The following NRG3 variants were observed in gnomAD, a reference collection of about 807,000 sequenced individuals.
NRG3 encodes pro-neuregulin-3, membrane-bound isoform.
NRG3 carries 31 observed loss-of-function variants against 66.9 expected under a neutral mutation model. The observed-to-expected ratio is 0.46, with a 90% CI of 0.35 to 0.63. The LOEUF (loss-of-function observed/expected upper bound fraction) is 0.63, where lower values mean the gene tolerates loss of function less well. Among genes scored for constraint, NRG3 ranks in the 20% least tolerant of loss-of-function variants. The probability of loss-of-function intolerance (pLI) is 0.00; values close to 1 mark genes in which losing one functional copy is unlikely to be tolerated. For missense variants in NRG3, 910 were observed against 878.9 expected (o/e 1.04, Z -0.45); for synonymous variants, 393 against 359.4 (o/e 1.09, Z -1.06).
chr10:82,420,149 G>A (rs1490767508), intron 2 of NRG3, among the ~76,000 whole-genome samples: 1 of 152,030 alleles, frequency 6.6e-6, no homozygotes, highest in Non-Finnish European at 1.5e-5. Context: ...GCTCAGTCTG[G>A]GTTTCTGGCT....
chr10:82,770,605 G>A lies in NRG3; in HGVS notation c.1027+31955G>A, dbSNP rs376948906. Among the ~76,000 whole-genome samples the A allele has an allele frequency of 9.5e-4, 145 of 152,232 alleles. 2 individuals are homozygous for A. The highest frequency in any genetic ancestry group is 3.3e-3 in the African/African-American group (139 of 41,562). On this transcript the variant is annotated intron_variant, in intron 3 of 8. Coordinates refer to ENST00000372141, the MANE Select transcript of NRG3 (RefSeq NM_001010848.4). ...GAAAAACAGAAAAGCCCTCAGATCA[G>A]AGGAGGAAAGAAACAAACACTAGGA...
At chr10:82,135,818 G>A (rs1427464124) in intron 1 of NRG3, among the ~76,000 whole-genome samples, 1 of 152,054 alleles carries the variant, frequency 6.6e-6, no homozygotes, top group Non-Finnish European at 1.5e-5. Context: ...ACATATCTCT[G>A]TCACTCTGGG....
intron 2 of NRG3, among the ~76,000 whole-genome samples, chr10:82,401,548 A>C (rs1282231284): frequency 6.6e-5 from 10 of 152,132 alleles, no homozygotes; most frequent in Admixed American, 5.9e-4. Context: ...ATCACACAGT[A>C]TTTTCTCTTC....
At chr10:82,324,497 T>C (rs138317857) in intron 1 of NRG3, among the ~76,000 whole-genome samples, 2,089 of 152,250 alleles carry the variant, frequency 0.014, 46 homozygotes, top group African/African-American at 0.044. Flanking sequence ...TCTTTTTTAA[T>C]ATGGAAAATA....
Position 81,952,606 on chromosome 10 carries a change from G to GTT in NRG3, c.823+76449_823+76450dup, listed in dbSNP as rs113010592. Among the ~76,000 whole-genome samples the GTT allele has an allele frequency of 8.1e-3, 1,233 of 151,898 alleles. 21 individuals are homozygous for GTT. Among genetic ancestry groups the GTT allele is most frequent in the African/African-American group, 0.028 (1,177 of 41,398 alleles). On this transcript the variant is annotated intron_variant, in intron 1 of 8. Coordinates refer to ENST00000372141, the MANE Select transcript of NRG3 (RefSeq NM_001010848.4). ...GGCACCCCAGTTAGTTCATTCCTGG[G>GTT]TTTTTTTGTTTTTCAGTGACACAGG...
At chr10:82,826,498 A>G (rs2062216138) in intron 3 of NRG3, among the ~76,000 whole-genome samples, 1 of 152,236 alleles carries the variant, frequency 6.6e-6, no homozygotes. Context: ...TAGGAAACAC[A>G]CATAATCAAC....
At chr10:82,536,456 C>T (rs1205399351) in intron 2 of NRG3, among the ~76,000 whole-genome samples, 1 of 152,078 alleles carries the variant, frequency 6.6e-6, no homozygotes, top group African/African-American at 2.4e-5. Context: ...GCATATTTTC[C>T]CTTTTGCTTT....
At chr10:82,358,898 G>T (rs1408087733) in intron 2 of NRG3, 30 bp downstream of exon 2, 1 of 1,613,656 alleles carries the variant, frequency 6.2e-7, no homozygotes, top group African/African-American at 1.3e-5. Context: ...GATGGAAAGG[G>T]CAGGCCCGTT....
At chr10:82,124,085 T>G (rs2132405606) in intron 1 of NRG3, among the ~76,000 whole-genome samples, 1 of 152,206 alleles carries the variant, frequency 6.6e-6, no homozygotes, top group Non-Finnish European at 1.5e-5. Flanking sequence ...ATCACAGTGA[T>G]CTGCTTTAGA....
chr10:82,030,995 TA>T, intron 1 of NRG3, among the ~76,000 whole-genome samples: 2 of 152,300 alleles, frequency 1.3e-5, no homozygotes, highest in South Asian at 4.1e-4. Flanking sequence ...AAATCAAAGT[TA>T]TTATCTAGAT....
chr10:82,785,159 G>A lies in NRG3; in HGVS notation c.1027+46509G>A, dbSNP rs371843335. ...CATAGATGGGAATTGAACAATGAGAGCACATGGACACAGGAAGGGGAACAT... is the reference window on the plus strand; with the variant it reads ...CATAGATGGGAATTGAACAATGAGAACACATGGACACAGGAAGGGGAACAT... On this transcript the variant is annotated intron_variant, in intron 3 of 8. Transcript: ENST00000372141. 3.4e-4 allele frequency among the ~76,000 whole-genome samples: 51 copies of A among 150,220 alleles called. 1 individual carries two copies. The South Asian group carries it at 5.6e-3, about 16-fold the overall frequency.
At chr10:82,155,638 T>TA (rs2071133618) in intron 1 of NRG3, among the ~76,000 whole-genome samples, 1 of 151,754 alleles carries the variant, frequency 6.6e-6, no homozygotes, top group Non-Finnish European at 1.5e-5. Flanking sequence ...GTGAAGCACA[T>TA]ATAATCAAAA....
At chr10:82,126,961 A>T (rs1185139061) in intron 1 of NRG3, among the ~76,000 whole-genome samples, 1 of 152,058 alleles carries the variant, frequency 6.6e-6, no homozygotes, top group Non-Finnish European at 1.5e-5. Flanking sequence ...CTCTGTCACA[A>T]TGTTATAACA....
chr10:82,658,775 C>G, intron 2 of NRG3, among the ~76,000 whole-genome samples: 1 of 152,214 alleles, frequency 6.6e-6, no homozygotes, highest in Non-Finnish European at 1.5e-5. Context: ...GATGTATACT[C>G]ACATTAAAAT....
intron 2 of NRG3, among the ~76,000 whole-genome samples, chr10:82,368,331 G>C (rs2084672274): frequency 7.2e-6 from 1 of 138,318 alleles, no homozygotes; most frequent in South Asian, 2.1e-4. Flanking sequence ...CCACTAATGG[G>C]AATAAAAGAG....
At chr10:82,912,944 G>A (rs7094693) in intron 4 of NRG3, among the ~76,000 whole-genome samples, 16,298 of 152,122 alleles carry the variant, frequency 0.11, 937 homozygotes, top group Middle Eastern at 0.14. Context: ...AAGTACTTCC[G>A]GCCGGGTGCG....
chr10:82,823,428 C>T (rs943810266), intron 3 of NRG3, among the ~76,000 whole-genome samples: 147 of 152,288 alleles, frequency 9.7e-4, no homozygotes, highest in African/African-American at 3.2e-3. Context: ...ACTCATTTCA[C>T]ACATTTATCA....
intron 3 of NRG3, among the ~76,000 whole-genome samples, chr10:82,768,212 C>A (rs2059588815): frequency 6.6e-6 from 1 of 152,102 alleles, no homozygotes; most frequent in Admixed American, 6.6e-5. Context: ...CCATGTCTTT[C>A]TTTCACTTTC....
intron 4 of NRG3, among the ~76,000 whole-genome samples, chr10:82,887,781 A>C (rs1003952678): frequency 6.6e-6 from 1 of 152,234 alleles, no homozygotes; most frequent in Non-Finnish European, 1.5e-5. Flanking sequence ...AAGAAACTGA[A>C]CTATGTATAA....
Sources: gnomAD v4.1 joint callset for allele counts (sites outside exome capture counted in the v4.1 genomes callset) on GRCh38, gnomAD v4.1.1 for gene constraint, MANE v1.5 for transcripts, NCBI Gene and HGNC (gene_info 2026-07-23, HGNC 2026-07-21) for gene names.